The following TMEM178B variants were observed in gnomAD, a reference collection of about 807,000 sequenced individuals.
TMEM178B encodes transmembrane protein 178B.
TMEM178B carries 5 observed loss-of-function variants against 31.0 expected under a neutral mutation model. That is an observed-to-expected ratio of 0.16 (90% confidence interval 0.08 to 0.34). TMEM178B has a LOEUF of 0.34. Ranked by LOEUF, TMEM178B falls within the 10% of genes least tolerant of loss-of-function variation. The pLI is 1.00. For missense variants in TMEM178B, 275 were observed against 400.3 expected (o/e 0.69, Z 2.67); for synonymous variants, 164 against 164.0 (o/e 1.00, Z 0.00).
rs1350889200 is a variant in TMEM178B, at chr7:141,284,464, A to T, written c.496+71760A>T. On this transcript the variant is annotated intron_variant, in intron 2 of 3. Coordinates refer to ENST00000565468, the MANE Select transcript of TMEM178B (RefSeq NM_001195278.2). ...TCCATTTTTTCTCTTCAAGGCTTTG[A>T]AAACATTGACATTGTCTCCTCCTAA... Among the ~76,000 whole-genome samples the T allele has an allele frequency of 2.6e-5, 4 of 152,338 alleles. No individual in the cohort carries two copies. In the East Asian group the frequency reaches 7.7e-4, roughly 29 times the overall value.
At chr7:141,454,726 T>C (rs1407695677) in intron 3 of TMEM178B, among the ~76,000 whole-genome samples, 2 of 151,838 alleles carry the variant, frequency 1.3e-5, no homozygotes, top group Admixed American at 1.3e-4. Flanking sequence ...AGAGAAAGTA[T>C]TGGGGATCTT....
At chr7:141,282,137 G>A (rs1798375752) in intron 2 of TMEM178B, among the ~76,000 whole-genome samples, 1 of 152,262 alleles carries the variant, frequency 6.6e-6, no homozygotes, top group East Asian at 1.9e-4. Flanking sequence ...GTGTTTAGAA[G>A]GTAGAGCAGA....
intron 2 of TMEM178B, among the ~76,000 whole-genome samples, chr7:141,386,709 T>C (rs1773815402): frequency 6.6e-6 from 1 of 152,192 alleles, no homozygotes; most frequent in Admixed American, 6.5e-5. Context: ...ACTGCGACTA[T>C]GCATATACCT....
Position 141,473,560 on chromosome 7 carries a change from C to T in TMEM178B, c.*2774C>T, listed in dbSNP as rs1457206491. On this transcript the variant is annotated 3_prime_UTR_variant, in exon 4 of 4. Coordinates refer to ENST00000565468, the MANE Select transcript of TMEM178B (RefSeq NM_001195278.2). ...ATTATCTGCTCTATCCAATTATTGT[C>T]TTTGTGACAGACATTTAGCAAAGCT... The T allele has an allele frequency of 1.3e-5, 2 of 152,164 alleles. No homozygotes were observed. Among genetic ancestry groups the T allele is most frequent in the African/African-American group, 4.8e-5 (2 of 41,442 alleles). The allele number at this position is 152,164 out of a possible 1,614,324, so 9.4% of individuals were successfully genotyped here. A position where few individuals can be genotyped will look rare whatever the true frequency, so the allele number is the denominator to read the frequency against.
the TMEM178B span, among the ~76,000 whole-genome samples, chr7:141,496,522 T>C: frequency 6.7e-6 from 1 of 148,758 alleles, no homozygotes; most frequent in East Asian, 1.9e-4. Flanking sequence ...TACAAAAAAT[T>C]AGCCAGGTGT....
At chr7:141,348,577 A>G (rs995165905) in intron 2 of TMEM178B, among the ~76,000 whole-genome samples, 1 of 152,230 alleles carries the variant, frequency 6.6e-6, no homozygotes, top group Non-Finnish European at 1.5e-5. Flanking sequence ...AGGAAAATGT[A>G]GCCATTTAAG....
chr7:141,196,923 G>A (rs535314545), intron 1 of TMEM178B, among the ~76,000 whole-genome samples: 1 of 152,270 alleles, frequency 6.6e-6, no homozygotes, highest in Admixed American at 6.5e-5. Context: ...TGTGAGTGGG[G>A]ATGGGGTGAG....
intron 1 of TMEM178B, among the ~76,000 whole-genome samples, chr7:141,088,808 C>A (rs1794830538): frequency 6.6e-6 from 1 of 151,964 alleles, no homozygotes; most frequent in African/African-American, 2.4e-5. Context: ...GATATGGAGG[C>A]TTTAAGAAAA....
intron 1 of TMEM178B, among the ~76,000 whole-genome samples, chr7:141,166,869 C>G (rs1267819667): frequency 1.3e-5 from 2 of 152,188 alleles, no homozygotes; most frequent in Non-Finnish European, 2.9e-5. Context: ...TGCTTTTCCT[C>G]CTGAAGTTTG....
intron 1 of TMEM178B, among the ~76,000 whole-genome samples, chr7:141,131,203 A>G (rs1379406840): frequency 1.3e-5 from 2 of 152,322 alleles, no homozygotes; most frequent in East Asian, 3.9e-4. Context: ...TTGACCTAGA[A>G]TGCTAACAGT....
At chr7:141,271,430 A>G (rs766993112) in intron 2 of TMEM178B, among the ~76,000 whole-genome samples, 1 of 152,146 alleles carries the variant, frequency 6.6e-6, no homozygotes, top group Non-Finnish European at 1.5e-5. Context: ...TAAAGAGTGT[A>G]ACTGGTGTAG....
At chr7:141,164,209 A>G (rs1796225389) in intron 1 of TMEM178B, among the ~76,000 whole-genome samples, 1 of 152,150 alleles carries the variant, frequency 6.6e-6, no homozygotes, top group African/African-American at 2.4e-5. Context: ...GGTTCCTGAA[A>G]CTCAAAATGT....
chr7:141,096,144 G>C (rs1007123228), intron 1 of TMEM178B, among the ~76,000 whole-genome samples: 1 of 152,188 alleles, frequency 6.6e-6, no homozygotes, highest in Non-Finnish European at 1.5e-5. Flanking sequence ...ATATTTAATA[G>C]AGTAGTATTC....
chr7:141,280,500 C>T (rs113092056), intron 2 of TMEM178B, among the ~76,000 whole-genome samples: 1,869 of 152,246 alleles, frequency 0.012, 24 homozygotes, highest in Non-Finnish European at 0.02. Flanking sequence ...TTCTATCTTG[C>T]CTGCTGCTGT....
intron 1 of TMEM178B, among the ~76,000 whole-genome samples, chr7:141,176,681 T>G (rs1326765413): frequency 6.6e-6 from 1 of 152,188 alleles, no homozygotes; most frequent in Non-Finnish European, 1.5e-5. Flanking sequence ...CCTGGTTTAG[T>G]CTTGGGAGGC....
chr7:141,172,500 G>A (rs1008795287), intron 1 of TMEM178B, among the ~76,000 whole-genome samples: 7 of 152,198 alleles, frequency 4.6e-5, no homozygotes, highest in African/African-American at 1.7e-4. Flanking sequence ...CCTGGAACAG[G>A]GAACCAGAGT....
At chr7:141,273,112 A>G (rs1798211426) in intron 2 of TMEM178B, among the ~76,000 whole-genome samples, 1 of 152,252 alleles carries the variant, frequency 6.6e-6, no homozygotes, top group Admixed American at 6.5e-5. Context: ...GCTAGGTAAA[A>G]TAAGCCAGAC....
chr7:141,184,980 A>T (rs1339385517), intron 1 of TMEM178B, among the ~76,000 whole-genome samples: 1 of 152,210 alleles, frequency 6.6e-6, no homozygotes, highest in Non-Finnish European at 1.5e-5. Flanking sequence ...ACGTGGCCAG[A>T]CACATCTAAA....
rs929986707 is a variant in TMEM178B, at chr7:141,474,738, T to C, written c.*3952T>C. On this transcript the variant is annotated 3_prime_UTR_variant, in exon 4 of 4. Transcript: ENST00000565468. Reference sequence around the variant, plus strand: ...TCTCAATATTCATCCACACTCATGATAAGATGCCGGAAATGAATGCACTGT... The same window carrying C: ...TCTCAATATTCATCCACACTCATGACAAGATGCCGGAAATGAATGCACTGT... 1 of 152,200 alleles carries C rather than the reference T, an allele frequency of 6.6e-6. No individual in the cohort carries two copies. Among genetic ancestry groups the C allele is most frequent in the Non-Finnish European group, 1.5e-5 (1 of 68,044 alleles). The allele number at this position is 152,200 out of a possible 1,614,324, so 9.4% of individuals were successfully genotyped here.
Sources: gnomAD v4.1 joint callset for allele counts (sites outside exome capture counted in the v4.1 genomes callset) on GRCh38, gnomAD v4.1.1 for gene constraint, MANE v1.5 for transcripts, NCBI Gene and HGNC (gene_info 2026-07-23, HGNC 2026-07-21) for gene names.